Variants in COL4A1 observed in about 807,000 individuals in gnomAD.
COL4A1 encodes the protein collagen alpha-1(IV) chain.
In COL4A1, 40 loss-of-function variants were observed where a neutral mutation model predicts 216.6. The observed-to-expected ratio is 0.18, with a 90% CI of 0.14 to 0.24. The LOEUF (loss-of-function observed/expected upper bound fraction) is 0.24. Ranked by LOEUF, COL4A1 falls within the 10% of genes least tolerant of loss-of-function variation. COL4A1 has a pLI of 1.00. For missense variants in COL4A1, 1,628 were observed against 2,196.8 expected (o/e 0.74, Z 5.18); for synonymous variants, 839 against 810.7 (o/e 1.03, Z -0.59).
In COL4A1 at chr13:110,150,427, G is replaced by A. The variant is rs770871818; in HGVS notation, c.4946C>T (p.Thr1649Ile). The A allele has an allele frequency of 3.7e-6, 6 of 1,614,104 alleles. No homozygotes were observed. Among genetic ancestry groups the A allele is most frequent in the Non-Finnish European group, 5.1e-6 (6 of 1,180,012 alleles). The change falls in exon 52 of 52, where the codon ACC (threonine) becomes ATC (isoleucine). Residue 1649 changes from threonine to isoleucine, a missense_variant. Physicochemically the swap from Thr to Ile is moderately conservative, Grantham distance 89 (BLOSUM62 -1). This residue lies in a region of COL4A1 where 254 missense variants were observed against 300.1 expected (regional missense o/e 0.85). Transcript: ENST00000375820. ...CGTGCGCAGCTCCCCTGCCTTCAAG[G>A]TGGACGGCGTAGGCTTCCTAAAACA... is the stretch of plus-strand genomic sequence containing the variant. Reference protein sequence around the residue: ...SEMFKKPTPSTLKAGELRTHV... With the variant: ...SEMFKKPTPSILKAGELRTHV...
intron 26 of COL4A1, among the ~76,000 whole-genome samples, chr13:110,184,417 C>T (rs1045592196): frequency 1.2e-4 from 18 of 152,164 alleles, no homozygotes; most frequent in African/African-American, 4.1e-4. Flanking sequence ...GGAAAGTGAT[C>T]GGAAGTCCCT....
intron 2 of COL4A1, among the ~76,000 whole-genome samples, chr13:110,236,125 C>T (rs1475787675): frequency 6.6e-6 from 1 of 152,114 alleles, no homozygotes; most frequent in Non-Finnish European, 1.5e-5. Flanking sequence ...CAATATAGCA[C>T]AAAAACGACT....
At chr13:110,257,685 C>T (rs554536091) in intron 1 of COL4A1, among the ~76,000 whole-genome samples, 2 of 152,334 alleles carry the variant, frequency 1.3e-5, no homozygotes, top group East Asian at 3.9e-4. Context: ...TTCCAAACCA[C>T]ACTTCCCCAC....
At chr13:110,201,310 AGAAGGAGGGGGAGGAG>A in intron 19 of COL4A1, 112 bp downstream of exon 19, 1 of 556,096 alleles carries the variant, frequency 1.8e-6, no homozygotes, top group Non-Finnish European at 3.2e-6. Flanking sequence ...GCGGAGGAAG[AGAAGGAGGGGGAGGAG>A]GAAGGAGGAG....
intron 1 of COL4A1, among the ~76,000 whole-genome samples, chr13:110,306,449 G>A (rs902869761): frequency 6.6e-6 from 1 of 152,168 alleles, no homozygotes; most frequent in African/African-American, 2.4e-5. Context: ...GAGCTTTTCA[G>A]CCTCAGCCAC....
At chr13:110,179,557 A>T (rs1878056681) in intron 29 of COL4A1, 136 bp from the exon 30 acceptor site, 5 of 1,318,538 alleles carry the variant, frequency 3.8e-6, no homozygotes, top group Middle Eastern at 3.6e-4. Flanking sequence ...ACCCTTTTCA[A>T]GCGTTTGCAA....
intron 45 of COL4A1, 73 bp downstream of exon 45, chr13:110,166,159 T>A: frequency 1.1e-6 from 1 of 901,440 alleles, no homozygotes; most frequent in Non-Finnish European, 1.9e-6. Context: ...AACACCCCAA[T>A]TCTGTGCATT....
At chr13:110,261,334 T>G (rs1882816959) in intron 1 of COL4A1, among the ~76,000 whole-genome samples, 3 of 152,316 alleles carry the variant, frequency 2.0e-5, no homozygotes, top group South Asian at 4.1e-4. Flanking sequence ...TCTTGGGCAA[T>G]TTTGGATTCT....
chr13:110,295,720 C>T (rs1342444056), intron 1 of COL4A1, among the ~76,000 whole-genome samples: 2 of 152,198 alleles, frequency 1.3e-5, no homozygotes, highest in Non-Finnish European at 2.9e-5. Context: ...GCCACCGCAC[C>T]CAGCCTCACG....
At chr13:110,201,353 A>AAGAGAGTGAGGG in intron 19 of COL4A1, 85 bp downstream of exon 19, 1 of 775,560 alleles carries the variant, frequency 1.3e-6, no homozygotes, top group South Asian at 1.6e-5. Context: ...CAGGAGGAGG[A>AAGAGAGTGAGGG]GGAGGAAGAG....
intron 2 of COL4A1, among the ~76,000 whole-genome samples, chr13:110,219,908 A>G (rs1256042066): frequency 2.2e-5 from 3 of 138,496 alleles, no homozygotes; most frequent in African/African-American, 5.6e-5. Flanking sequence ...ATATGTATAT[A>G]TATGTGTGTA....
intron 2 of COL4A1, among the ~76,000 whole-genome samples, chr13:110,230,785 G>A (rs1046630407): frequency 7.9e-4 from 121 of 152,332 alleles, no homozygotes; most frequent in African/African-American, 2.5e-3. Context: ...GTGGAGCCAC[G>A]GTCTCCTGTG....
intron 46 of COL4A1, among the ~76,000 whole-genome samples, chr13:110,163,984 C>CTTTTTTT (rs58236306): frequency 1.2e-4 from 13 of 110,252 alleles, no homozygotes; most frequent in Non-Finnish European, 1.8e-4. Flanking sequence ...TTCTCTCTCT[C>CTTTTTTT]TTTTTTTTTT....
chr13:110,270,357 G>A (rs755183664), intron 1 of COL4A1, among the ~76,000 whole-genome samples: 3 of 143,020 alleles, frequency 2.1e-5, no homozygotes, highest in Non-Finnish European at 4.4e-5. Context: ...ATCTAATTAA[G>A]AGGAGAATTA....
chr13:110,175,241 T>C lies in COL4A1; in HGVS notation c.3175A>G (p.Ile1059Val). 6.2e-7 allele frequency: 1 copy of C among 1,614,212 alleles called. No homozygotes were observed. The highest frequency in any genetic ancestry group is 1.7e-5 in the Admixed American group (1 of 60,024). The change falls in exon 37 of 52, where the codon ATC becomes GTC. Residue 1059 changes from isoleucine to valine, a missense_variant. Physicochemically the swap from Ile to Val is conservative, Grantham distance 29. This residue lies in a region of COL4A1 where 345 missense variants were observed against 476.9 expected (regional missense o/e 0.72). Transcript: ENST00000375820. Reference protein sequence around the residue: ...KGQAGPPGIGIPGLRGEKGDQ... With the variant: ...KGQAGPPGIGVPGLRGEKGDQ... ...ACCTTTTCACCTCGCAGCCCTGGGATGCCTATGCCAGGTGGGCCTGCCTGC... is the reference window on the plus strand; with the variant it reads ...ACCTTTTCACCTCGCAGCCCTGGGACGCCTATGCCAGGTGGGCCTGCCTGC...
chr13:110,279,863 A>T (rs1398426079), intron 1 of COL4A1, among the ~76,000 whole-genome samples: 1 of 152,202 alleles, frequency 6.6e-6, no homozygotes, highest in Non-Finnish European at 1.5e-5. Context: ...GTGGGCCTGC[A>T]TCGAGAGGGC....
Position 110,176,951 on chromosome 13 carries a change from G to T in COL4A1, c.2803C>A (p.Pro935Thr), listed in dbSNP as rs1877916595. ...ATGTCCACCTTATCCATGGAGCCAG[G>T]CTTGCCAGGGAGACCGACATCCCCC... is the stretch of plus-strand genomic sequence containing the variant. ...DKGDVGLPGKPGSMDKVDMGS... is the reference protein window; with the variant it reads ...DKGDVGLPGKTGSMDKVDMGS... The change falls in exon 34 of 52, where the codon CCT becomes ACT. Residue 935 changes from proline to threonine, a missense_variant. By Grantham distance (38) the Pro-to-Thr change is conservative (BLOSUM62 -1). Transcript: ENST00000375820. 1 of 1,614,154 alleles carries T rather than the reference G, an allele frequency of 6.2e-7. No individual in the cohort carries two copies. The highest frequency in any genetic ancestry group is 8.5e-7 in the Non-Finnish European group (1 of 1,180,042).
intron 2 of COL4A1, among the ~76,000 whole-genome samples, chr13:110,228,994 T>C (rs1005791615): frequency 1.3e-5 from 2 of 152,196 alleles, no homozygotes; most frequent in Admixed American, 1.3e-4. Flanking sequence ...GAAAACCAGA[T>C]GGCATTGGGG....
chr13:110,178,026 T>C, intron 32 of COL4A1, 38 bp downstream of exon 32: 1 of 1,614,168 alleles, frequency 6.2e-7, no homozygotes, highest in Non-Finnish European at 8.5e-7. Context: ...GCCCATGTCT[T>C]CATGATGGAT....
Sources: allele counts gnomAD v4.1 joint callset (sites outside exome capture counted in the v4.1 genomes callset), GRCh38; gene constraint gnomAD v4.1.1; regional missense constraint gnomAD v4.1.1; transcripts MANE v1.5; gene names NCBI Gene and HGNC (gene_info 2026-07-23, HGNC 2026-07-21).